The following COL19A1 variants were observed in gnomAD, a reference collection of about 807,000 sequenced individuals.
The protein encoded by COL19A1 is collagen type XIX alpha 1 chain, also known as collagen alpha-1(XIX) chain.
Under a neutral mutation model 190.2 loss-of-function variants are expected in COL19A1, and 159 were observed. The observed-to-expected ratio is 0.84, with a 90% CI of 0.73 to 0.95. The LOEUF (loss-of-function observed/expected upper bound fraction) is 0.95. COL19A1 is among the 40% of genes least tolerant of loss of function. COL19A1 has a pLI of 0.00. For synonymous variants in COL19A1, 509 were observed against 458.9 expected (o/e 1.11, Z -1.39); for missense variants, 1,418 against 1,431.9 (o/e 0.99, Z 0.16).
chr6:69,918,338 T>A (rs975772256), intron 4 of COL19A1, among the ~76,000 whole-genome samples: 1 of 152,032 alleles, frequency 6.6e-6, no homozygotes, highest in African/African-American at 2.4e-5. Flanking sequence ...TGGTGGCCGC[T>A]TGGGATAGCA....
intron 11 of COL19A1, among the ~76,000 whole-genome samples, chr6:70,010,347 C>CATGGAAAT (rs1554188641): frequency 3.3e-5 from 5 of 149,386 alleles, no homozygotes; most frequent in South Asian, 2.1e-4. Flanking sequence ...ACAAAGCAAA[C>CATGGAAAT]GAGGGAGGAG....
At chr6:69,924,284 G>T (rs1447041300) in intron 4 of COL19A1, among the ~76,000 whole-genome samples, 15 of 151,310 alleles carry the variant, frequency 9.9e-5, no homozygotes, top group African/African-American at 3.4e-4. Context: ...CCCGGTGTGT[G>T]ATGTTCTCCT....
chr6:69,931,162 A>G (rs1309520181), intron 6 of COL19A1, among the ~76,000 whole-genome samples: 1 of 152,172 alleles, frequency 6.6e-6, no homozygotes. Context: ...GTTATTGAAA[A>G]AAATTATCAT....
intron 12 of COL19A1, among the ~76,000 whole-genome samples, chr6:70,029,832 CAAGA>C (rs1778940712): frequency 6.6e-6 from 1 of 152,080 alleles, no homozygotes; most frequent in South Asian, 2.1e-4. Context: ...TAAAGCTGAA[CAAGA>C]AAGAACTATC....
At chr6:70,165,899 A>G in intron 36 of COL19A1, 42 bp from the exon 37 acceptor site, 1 of 1,586,638 alleles carries the variant, frequency 6.3e-7, no homozygotes, top group Non-Finnish European at 8.6e-7. Flanking sequence ...AACCTGGGGT[A>G]GAAACGTCTA....
chr6:70,127,677 C>T (rs1403528275), intron 17 of COL19A1, among the ~76,000 whole-genome samples: 16 of 152,302 alleles, frequency 1.1e-4, no homozygotes, highest in African/African-American at 3.1e-4. Context: ...GTGAAAGGCA[C>T]GTCTAACATG....
intron 2 of COL19A1, among the ~76,000 whole-genome samples, chr6:69,893,772 C>G (rs1208871975): frequency 3.3e-5 from 5 of 152,106 alleles, no homozygotes; most frequent in Non-Finnish European, 7.4e-5. Context: ...GCCAGGTACC[C>G]TTTTAGGTCT....
At position 70,176,508 on chromosome 6, in the gene COL19A1, A is replaced by G; in HGVS notation, c.2623-12A>G. 1.2e-6 allele frequency: 2 copies of G among 1,612,996 alleles called. No individual in the cohort carries two copies. On this transcript the variant is annotated splice_polypyrimidine_tract_variant and intron_variant, in intron 41 of 50. Transcript: ENST00000620364. Reference sequence around the variant, plus strand: ...ATGTCATTAAAGTAGCAATGTTTTTAAATCCCAACAGGGAGATCGAGGCCC... The same window carrying G: ...ATGTCATTAAAGTAGCAATGTTTTTGAATCCCAACAGGGAGATCGAGGCCC...
intron 34 of COL19A1, among the ~76,000 whole-genome samples, chr6:70,158,987 A>G (rs965670351): frequency 5.3e-5 from 8 of 152,090 alleles, no homozygotes; most frequent in African/African-American, 1.9e-4. Context: ...CAGCTTTTTC[A>G]GAGAAAGGCT....
chr6:70,132,795 A>T (rs1287202071), intron 18 of COL19A1, among the ~76,000 whole-genome samples: 1 of 152,186 alleles, frequency 6.6e-6, no homozygotes, highest in Non-Finnish European at 1.5e-5. Context: ...GAAGAGCATG[A>T]GCTTTGGGAC....
At chr6:70,186,843 A>C (rs1419967443) in intron 46 of COL19A1, among the ~76,000 whole-genome samples, 1 of 152,080 alleles carries the variant, frequency 6.6e-6, no homozygotes, top group East Asian at 1.9e-4. Context: ...TTTACTAATT[A>C]ATTATGACAT....
chr6:69,904,965 C>T (rs1006464791), intron 4 of COL19A1, among the ~76,000 whole-genome samples: 12 of 152,118 alleles, frequency 7.9e-5, no homozygotes, highest in African/African-American at 2.7e-4. Flanking sequence ...CTTCTCGGTG[C>T]TGCGTGCTTC....
chr6:70,166,014 A>G (rs1386931077), intron 37 of COL19A1, 29 bp downstream of exon 37: 3 of 1,602,876 alleles, frequency 1.9e-6, no homozygotes, highest in Non-Finnish European at 8.5e-7. Flanking sequence ...AAAATTTAAA[A>G]TTCATGTGTT....
chr6:69,876,741 A>G (rs761196265), intron 1 of COL19A1, among the ~76,000 whole-genome samples: 43 of 152,216 alleles, frequency 2.8e-4, no homozygotes, highest in Non-Finnish European at 5.7e-4. Context: ...GGATTTCTCT[A>G]AAAATAAGAT....
intron 11 of COL19A1, among the ~76,000 whole-genome samples, chr6:70,018,577 T>C (rs1043050833): frequency 1.3e-5 from 2 of 152,226 alleles, no homozygotes; most frequent in South Asian, 4.1e-4. Flanking sequence ...TGGGGGCTGA[T>C]AGACATTGTC....
At chr6:69,921,924 T>C (rs1172327814) in intron 4 of COL19A1, among the ~76,000 whole-genome samples, 3 of 152,028 alleles carry the variant, frequency 2.0e-5, no homozygotes, top group African/African-American at 7.2e-5. Context: ...GAATAAGCAA[T>C]GGATAGGATT....
intron 14 of COL19A1, among the ~76,000 whole-genome samples, chr6:70,056,541 G>C (rs1401930586): frequency 6.6e-6 from 1 of 152,164 alleles, no homozygotes; most frequent in African/African-American, 2.4e-5. Flanking sequence ...TGTGATTCAT[G>C]ATTGAGCCTT....
chr6:69,955,084 T>C (rs1034563655), intron 9 of COL19A1, among the ~76,000 whole-genome samples: 1 of 152,114 alleles, frequency 6.6e-6, no homozygotes, highest in Non-Finnish European at 1.5e-5. Flanking sequence ...TAAGTATTTC[T>C]GTAGTATTTT....
intron 36 of COL19A1, among the ~76,000 whole-genome samples, chr6:70,165,249 A>G (rs1206093188): frequency 6.6e-6 from 1 of 152,206 alleles, no homozygotes; most frequent in Non-Finnish European, 1.5e-5. Context: ...AATAGAAGTG[A>G]AATACATTTT....
Sources: allele counts gnomAD v4.1 joint callset (sites outside exome capture counted in the v4.1 genomes callset), GRCh38; gene constraint gnomAD v4.1.1; transcripts MANE v1.5; gene names NCBI Gene and HGNC (gene_info 2026-07-23, HGNC 2026-07-21).